Variants in STK32B observed in about 807,000 individuals in gnomAD.
STK32B encodes the protein serine/threonine-protein kinase 32B.
STK32B carries 43 observed loss-of-function variants against 52.6 expected under a neutral mutation model. That is an observed-to-expected ratio of 0.82 (90% CI 0.64 to 1.05). The LOEUF is 1.05. STK32B is among the 50% of genes least tolerant of loss of function. The pLI is 0.00. For missense variants in STK32B, 621 were observed against 534.6 expected (o/e 1.16, Z -1.59); for synonymous variants, 238 against 204.3 (o/e 1.17, Z -1.41).
At chr4:5,436,286 A>C (rs1714067452) in intron 6 of STK32B, among the ~76,000 whole-genome samples, 1 of 152,208 alleles carries the variant, frequency 6.6e-6, no homozygotes, top group Non-Finnish European at 1.5e-5. Context: ...GGCTCTGAGG[A>C]TGATGGTAGA....
chr4:5,476,400 A>C (rs1194121863), intron 11 of STK32B, among the ~76,000 whole-genome samples: 3 of 152,202 alleles, frequency 2.0e-5, no homozygotes, highest in African/African-American at 7.2e-5. Flanking sequence ...ACAATATCCA[A>C]GTGAAGTAAA....
In STK32B at chr4:5,246,022, A is replaced by C. The variant is rs192427201; in HGVS notation, c.260+77572A>C. ...CCCTTAACACTTTTTCCTTCATTTCAACTTTGGTGAATCTGACAATTATGT... is the reference window on the plus strand; with the variant it reads ...CCCTTAACACTTTTTCCTTCATTTCCACTTTGGTGAATCTGACAATTATGT... On this transcript the variant is annotated intron_variant, in intron 3 of 11. Transcript: ENST00000282908. Among the ~76,000 whole-genome samples, 31 of 152,152 alleles carry C rather than the reference A, an allele frequency of 2.0e-4. 1 individual carries two copies. Among genetic ancestry groups the C allele is most frequent in the Non-Finnish European group, 4.0e-4 (27 of 68,012 alleles).
In STK32B at chr4:5,058,150, A is replaced by G. The variant is rs1285102907; in HGVS notation, c.52+6235A>G. 1.3e-5 allele frequency among the ~76,000 whole-genome samples: 2 copies of G among 152,214 alleles called. No individual in the cohort carries two copies. Among genetic ancestry groups the G allele is most frequent in the African/African-American group, 4.8e-5 (2 of 41,456 alleles). On this transcript the variant is annotated intron_variant, in intron 1 of 11. Coordinates refer to ENST00000282908, the MANE Select transcript of STK32B (RefSeq NM_018401.3). The surrounding 1 kb of genome is among the most constrained non-coding windows in gnomAD (Gnocchi z 4.8). The stretch of plus-strand genomic sequence containing the variant: ...CTGCTTCATCTCTCACAAGTGCTCC[A>G]TCTGTGAAGTCATCAATATAAATAT...
chr4:5,056,048 G>A (rs559330251), intron 1 of STK32B, among the ~76,000 whole-genome samples: 2 of 152,160 alleles, frequency 1.3e-5, no homozygotes, highest in Non-Finnish European at 2.9e-5. Context: ...GAGGTGAGTA[G>A]CGAGTGAGGG....
upstream of STK32B, among the ~76,000 whole-genome samples, chr4:5,049,220 G>A (rs369940287): frequency 2.7e-5 from 4 of 149,870 alleles, no homozygotes; most frequent in African/African-American, 4.9e-5. Context: ...TTTTTGAGAC[G>A]GAGTCTCACT....
chr4:5,022,056 AAC>A, the STK32B span, among the ~76,000 whole-genome samples: 1 of 152,030 alleles, frequency 6.6e-6, no homozygotes, highest in East Asian at 1.9e-4. Context: ...TGCCGAGCCC[AAC>A]ACACACAAGC....
chr4:5,022,599 C>T, the STK32B span, among the ~76,000 whole-genome samples: 1 of 152,210 alleles, frequency 6.6e-6, no homozygotes, highest in South Asian at 2.1e-4. Flanking sequence ...GCCCTTGTCT[C>T]CGCCAAAAGG....
Position 5,466,809 on chromosome 4 carries a change from A to G in STK32B, c.1016A>G (p.Asp339Gly). 6.2e-7 allele frequency: 1 copy of G among 1,613,924 alleles called. No individual in the cohort carries two copies. The highest frequency in any genetic ancestry group is 1.1e-5 in the South Asian group (1 of 91,034). Residue 339 changes from aspartate (D) to glycine (G), a missense_variant, in exon 10 of 12, where the codon GAT (aspartate) becomes GGT (glycine). Physicochemically the swap from Asp to Gly is moderately conservative, Grantham distance 94 (BLOSUM62 -1). Transcript: ENST00000282908. ...CGATTGGCAAAGAACAGATCCAGGG[A>G]TGGCACAAAGGACAGCTGCCCGCTG... ...KKRLAKNRSR[D>G]GTKDSCPLNG...
intron 2 of STK32B, among the ~76,000 whole-genome samples, chr4:5,155,634 G>A (rs1717765123): frequency 1.3e-5 from 2 of 152,102 alleles, no homozygotes; most frequent in Admixed American, 1.3e-4. Flanking sequence ...GTTCCTGGGG[G>A]CGGTTTCCCC....
intron 2 of STK32B, among the ~76,000 whole-genome samples, chr4:5,143,576 A>G (rs1315432335): frequency 1.3e-5 from 2 of 152,172 alleles, no homozygotes; most frequent in Non-Finnish European, 1.5e-5. Flanking sequence ...GAGGAGCCAC[A>G]TGGTCCTGCA....
At chr4:5,141,232 G>A (rs1482803709) in intron 2 of STK32B, among the ~76,000 whole-genome samples, 1 of 152,208 alleles carries the variant, frequency 6.6e-6, no homozygotes, top group East Asian at 1.9e-4. Flanking sequence ...ATCATAGATG[G>A]TTCTGCAGGA....
Position 5,453,542 on chromosome 4 carries a change from A to G in STK32B, c.667-3265A>G, listed in dbSNP as rs950237345. On this transcript the variant is annotated intron_variant, in intron 7 of 11. Coordinates refer to ENST00000282908, the MANE Select transcript of STK32B (RefSeq NM_018401.3). This position sits in a 1 kb window ranked among gnomAD's most constrained non-coding sequence, Gnocchi z 4.0. ...GGTCTTTGCACCTCCTTTTCAGGGT[A>G]GGGGTGGGACTGTTTTGGGCAGAAC... Among the ~76,000 whole-genome samples, 2 of 151,988 alleles carry G rather than the reference A, an allele frequency of 1.3e-5. No homozygotes were observed. The highest frequency in any genetic ancestry group is 2.9e-5 in the Non-Finnish European group (2 of 67,992).
chr4:5,434,452 GTGTA>G (rs869126203), intron 6 of STK32B, among the ~76,000 whole-genome samples: 2,592 of 143,170 alleles, frequency 0.018, 68 homozygotes, highest in African/African-American at 0.064. Context: ...GTGTGTGTGT[GTGTA>G]TATATATATA....
chr4:5,358,766 C>T (rs1181807491), intron 4 of STK32B, among the ~76,000 whole-genome samples: 1 of 152,054 alleles, frequency 6.6e-6, no homozygotes, highest in Non-Finnish European at 1.5e-5. Context: ...TATCATGTTA[C>T]AATCCAGTGC....
At chr4:5,069,462 T>A (rs998012937) in intron 1 of STK32B, among the ~76,000 whole-genome samples, 35 of 152,296 alleles carry the variant, frequency 2.3e-4, no homozygotes, top group African/African-American at 8.2e-4. Context: ...CCAGGACCCC[T>A]GTCCAGGTCC....
At chr4:5,433,267 C>T (rs778291445) in intron 6 of STK32B, among the ~76,000 whole-genome samples, 4 of 152,138 alleles carry the variant, frequency 2.6e-5, no homozygotes, top group Non-Finnish European at 5.9e-5. Flanking sequence ...GTCCTAGAGT[C>T]GAAGTTGACT....
chr4:5,493,837 CCCA>C (rs1719958003), intron 11 of STK32B, among the ~76,000 whole-genome samples: 1 of 152,220 alleles, frequency 6.6e-6, no homozygotes, highest in Non-Finnish European at 1.5e-5. Flanking sequence ...TCGTTATGTA[CCCA>C]GTAGTCATTC....
chr4:5,259,106 A>G (rs1186823396), intron 3 of STK32B, among the ~76,000 whole-genome samples: 1 of 152,212 alleles, frequency 6.6e-6, no homozygotes, highest in Non-Finnish European at 1.5e-5. Context: ...TTCTCAAGAA[A>G]GCCTTCCCTG....
At chr4:5,385,048 C>T (rs545882650) in intron 4 of STK32B, among the ~76,000 whole-genome samples, 5 of 152,164 alleles carry the variant, frequency 3.3e-5, no homozygotes, top group Admixed American at 6.5e-5. Context: ...GGGACTTTTC[C>T]GAGCGTCCAC....
Sources: gnomAD v4.1 joint callset for allele counts (sites outside exome capture counted in the v4.1 genomes callset) on GRCh38, gnomAD v4.1.1 for gene constraint, Gnocchi (gnomAD v3.1) non-coding constraint, MANE v1.5 for transcripts, NCBI Gene and HGNC (gene_info 2026-07-23, HGNC 2026-07-21) for gene names.